Variants in NLK observed in about 807,000 individuals in gnomAD.
The protein encoded by NLK is serine/threonine-protein kinase NLK.
NLK carries 11 observed loss-of-function variants against 59.0 expected under a neutral mutation model. That is an observed-to-expected ratio of 0.19 (90% CI 0.12 to 0.31). NLK has a LOEUF of 0.31. Among genes scored for constraint, NLK ranks in the 10% least tolerant of loss-of-function variants. NLK has a pLI of 1.00. For synonymous variants in NLK, 235 were observed against 235.9 expected, an observed-to-expected ratio of 1.00 and a Z score of 0.03; for missense variants, 410 against 661.1, an observed-to-expected ratio of 0.62 and a Z score of 4.16.
chr17:28,109,291 GA>G (rs1239037390), intron 1 of NLK, among the ~76,000 whole-genome samples: 7 of 152,264 alleles, frequency 4.6e-5, no homozygotes, highest in African/African-American at 1.7e-4. Flanking sequence ...GGGATAGAAG[GA>G]AACTGTACAG....
intron 1 of NLK, among the ~76,000 whole-genome samples, chr17:28,098,516 T>C (rs1904781936): frequency 1.3e-5 from 2 of 152,130 alleles, no homozygotes; most frequent in Non-Finnish European, 2.9e-5. Context: ...AAACTGACAT[T>C]GAGTACGTCT....
chr17:28,102,818 T>A (rs1465033324), intron 1 of NLK, among the ~76,000 whole-genome samples: 3 of 152,182 alleles, frequency 2.0e-5, no homozygotes, highest in African/African-American at 7.2e-5. Flanking sequence ...ATTTTTTTCT[T>A]TGTAGTTTCT....
chr17:28,168,424 GTT>G (rs1350317070), intron 5 of NLK, 22 bp from the exon 6 acceptor site: 5 of 1,531,520 alleles, frequency 3.3e-6, no homozygotes, highest in Non-Finnish European at 4.5e-6. Flanking sequence ...GCTTGATAAT[GTT>G]TTGATTGCCT....
chr17:28,102,070 T>C (rs960183249), intron 1 of NLK, among the ~76,000 whole-genome samples: 1 of 152,224 alleles, frequency 6.6e-6, no homozygotes, highest in African/African-American at 2.4e-5. Context: ...TCTTTGTCCA[T>C]TATGATAGCC....
the NLK span, among the ~76,000 whole-genome samples, chr17:28,203,855 G>T: frequency 1.3e-5 from 2 of 152,108 alleles, no homozygotes; most frequent in Admixed American, 1.3e-4. Flanking sequence ...CTTTCTCGTC[G>T]CCCCAGTGCC....
intron 1 of NLK, among the ~76,000 whole-genome samples, chr17:28,090,771 A>T (rs571454946): frequency 1.3e-5 from 2 of 152,326 alleles, no homozygotes; most frequent in African/African-American, 2.4e-5. Flanking sequence ...TCCTTTAAGT[A>T]CTTCAAAGAT....
At chr17:28,149,654 T>C (rs974077029) in intron 3 of NLK, among the ~76,000 whole-genome samples, 1 of 152,232 alleles carries the variant, frequency 6.6e-6, no homozygotes, top group Non-Finnish European at 1.5e-5. Context: ...GCTTATTCAA[T>C]TGAAAATCAG....
chr17:28,166,051 CTAAAA>C (rs1402347282), intron 5 of NLK, among the ~76,000 whole-genome samples: 7 of 152,284 alleles, frequency 4.6e-5, no homozygotes, highest in African/African-American at 1.7e-4. Context: ...CCTGTCTCTA[CTAAAA>C]ATACAAAAAT....
chr17:28,164,058 A>G (rs1908120494), intron 5 of NLK, among the ~76,000 whole-genome samples: 1 of 152,234 alleles, frequency 6.6e-6, no homozygotes, highest in Non-Finnish European at 1.5e-5. Flanking sequence ...CAAAGTAAGA[A>G]GTAGAAACAT....
At chr17:28,170,830 A>G (rs760568011) in intron 6 of NLK, among the ~76,000 whole-genome samples, 72 of 152,250 alleles carry the variant, frequency 4.7e-4, no homozygotes, top group Non-Finnish European at 1.9e-4. Flanking sequence ...TCCCTTTGCT[A>G]GAGAAATACA....
intron 1 of NLK, chr17:28,062,175 T>C (rs1286838999): frequency 6.6e-6 from 1 of 152,058 alleles, no homozygotes; most frequent in African/African-American, 2.4e-5. Flanking sequence ...GCGAGAGTTA[T>C]AGATGGAGCA....
downstream of NLK, among the ~76,000 whole-genome samples, chr17:28,199,195 A>G (rs991989126): frequency 6.6e-6 from 1 of 152,236 alleles, no homozygotes; most frequent in African/African-American, 2.4e-5. Context: ...ATTAACCAAA[A>G]ATATTGTAGA....
chr17:28,193,650 C>G (rs1046782401), intron 10 of NLK, among the ~76,000 whole-genome samples: 2 of 152,148 alleles, frequency 1.3e-5, no homozygotes, highest in Non-Finnish European at 2.9e-5. Context: ...CTATCTTCCC[C>G]GCTGCCTTTC....
intron 1 of NLK, among the ~76,000 whole-genome samples, chr17:28,077,970 A>G (rs1486396999): frequency 6.6e-6 from 1 of 152,164 alleles, no homozygotes; most frequent in Non-Finnish European, 1.5e-5. Flanking sequence ...AAAATATGAA[A>G]CAATTCTTAA....
intron 8 of NLK, 86 bp from the exon 9 acceptor site, chr17:28,190,935 A>G: frequency 1.1e-6 from 1 of 906,826 alleles, no homozygotes; most frequent in Non-Finnish European, 1.7e-6. Flanking sequence ...TGCTATGTCA[A>G]GCAGTTAATG....
intron 1 of NLK, among the ~76,000 whole-genome samples, chr17:28,073,166 A>T (rs1173013178): frequency 6.6e-6 from 1 of 152,160 alleles, no homozygotes; most frequent in African/African-American, 2.4e-5. Context: ...CACAGTGGAG[A>T]CATATTTCTG....
intron 3 of NLK, among the ~76,000 whole-genome samples, chr17:28,159,359 G>A (rs1907911498): frequency 6.6e-6 from 1 of 152,138 alleles, no homozygotes; most frequent in South Asian, 2.1e-4. Context: ...ATGAATTGAT[G>A]GATGGAAAGA....
At chr17:28,174,865 G>A (rs10468581) in intron 7 of NLK, among the ~76,000 whole-genome samples, 6,141 of 151,992 alleles carry the variant, frequency 0.04, 390 homozygotes, top group African/African-American at 0.14. Flanking sequence ...TGCATATCCT[G>A]TGTGCCTCTT....
chr17:28,180,843 T>A (rs1336857725), intron 7 of NLK, among the ~76,000 whole-genome samples: 1 of 152,214 alleles, frequency 6.6e-6, no homozygotes, highest in East Asian at 1.9e-4. Flanking sequence ...AATTCTTGTG[T>A]AAAACACATG....
Sources: gnomAD v4.1 joint callset for allele counts (sites outside exome capture counted in the v4.1 genomes callset) on GRCh38, gnomAD v4.1.1 for gene constraint, MANE v1.5 for transcripts, NCBI Gene and HGNC (gene_info 2026-07-23, HGNC 2026-07-21) for gene names.